CNTN4: variants seen among roughly 807,000 people sequenced by gnomAD.
The protein encoded by CNTN4 is contactin-4.
A neutral mutation model predicts 122.5 loss-of-function variants in CNTN4; 77 were observed. The ratio of observed to expected loss-of-function variants is 0.63; its 90% CI spans 0.52 to 0.76. The LOEUF is 0.76. Among genes scored for constraint, CNTN4 ranks in the 30% least tolerant of loss-of-function variants. CNTN4 has a pLI of 0.00. For missense variants in CNTN4, 1,256 were observed against 1,259.1 expected, an observed-to-expected ratio of 1.00 and a Z score of 0.04; for synonymous variants, 512 against 447.0, an observed-to-expected ratio of 1.15 and a Z score of -1.83.
At chr3:2,834,432 G>C (rs2093171023) in intron 7 of CNTN4, among the ~76,000 whole-genome samples, 1 of 152,060 alleles carries the variant, frequency 6.6e-6, no homozygotes, top group Non-Finnish European at 1.5e-5. Context: ...TGGGCGTGGT[G>C]GTGCATGTTT....
chr3:2,252,535 A>G (rs148807201), intron 2 of CNTN4, among the ~76,000 whole-genome samples: 3 of 152,040 alleles, frequency 2.0e-5, no homozygotes, highest in Non-Finnish European at 2.9e-5. Context: ...ATTAGAAGAG[A>G]TTTATTGGAA....
At chr3:2,211,552 A>T (rs909707391) in intron 2 of CNTN4, among the ~76,000 whole-genome samples, 1 of 152,180 alleles carries the variant, frequency 6.6e-6, no homozygotes, top group Non-Finnish European at 1.5e-5. Context: ...AACCCCTTTT[A>T]AAAAATTTTC....
At chr3:2,729,806 A>C (rs1472889500) in intron 4 of CNTN4, among the ~76,000 whole-genome samples, 2 of 150,944 alleles carry the variant, frequency 1.3e-5, no homozygotes, top group Non-Finnish European at 3.0e-5. Flanking sequence ...ACCAGCTACT[A>C]AGAAGGCTGA....
chr3:2,792,365 A>T (rs2092038585), intron 6 of CNTN4, among the ~76,000 whole-genome samples: 2 of 152,254 alleles, frequency 1.3e-5, no homozygotes, highest in South Asian at 2.1e-4. Context: ...TATTTCACAG[A>T]TGAATCATTT....
intron 4 of CNTN4, among the ~76,000 whole-genome samples, chr3:2,633,695 A>AG (rs1372201467): frequency 2.0e-5 from 3 of 152,238 alleles, no homozygotes; most frequent in African/African-American, 7.2e-5. Context: ...CCGCCTATAA[A>AG]GGTCTTTAAG....
chr3:2,987,177 T>C (rs1361131291), intron 13 of CNTN4, among the ~76,000 whole-genome samples: 1 of 152,158 alleles, frequency 6.6e-6, no homozygotes, highest in Non-Finnish European at 1.5e-5. Flanking sequence ...TACTCTGGAA[T>C]ATGCAGAAGG....
At chr3:3,038,198 A>G (rs1022035877) in intron 18 of CNTN4, among the ~76,000 whole-genome samples, 7 of 152,182 alleles carry the variant, frequency 4.6e-5, no homozygotes, top group Non-Finnish European at 8.8e-5. Context: ...CGTGATGACA[A>G]TATAGCTAGT....
At chr3:2,657,270 A>T (rs1006991000) in intron 4 of CNTN4, among the ~76,000 whole-genome samples, 3 of 152,238 alleles carry the variant, frequency 2.0e-5, no homozygotes, top group African/African-American at 7.2e-5. Context: ...CATTGAATAC[A>T]CAAGCCAAGA....
chr3:2,545,780 T>C (rs981185898), intron 3 of CNTN4, among the ~76,000 whole-genome samples: 2 of 152,066 alleles, frequency 1.3e-5, no homozygotes, highest in Non-Finnish European at 2.9e-5. Context: ...GAGGTAGGCC[T>C]CTCTTGAAGA....
At chr3:2,888,650 A>T (rs2094004672) in intron 10 of CNTN4, among the ~76,000 whole-genome samples, 1 of 151,898 alleles carries the variant, frequency 6.6e-6, no homozygotes, top group Non-Finnish European at 1.5e-5. Flanking sequence ...ATGTATATTC[A>T]TATTTATATA....
chr3:2,792,713 G>A lies in CNTN4; in HGVS notation c.359-26773G>A, dbSNP rs78395781. Among the ~76,000 whole-genome samples, 7,066 of 152,244 alleles carry A rather than the reference G, an allele frequency of 0.046. 227 individuals are homozygous for A. Among genetic ancestry groups the A allele is most frequent in the Non-Finnish European group, 0.07 (4,764 of 68,016 alleles). On this transcript the variant is annotated intron_variant, in intron 6 of 24. Coordinates refer to ENST00000418658, the MANE Select transcript of CNTN4 (RefSeq NM_175607.3). ...TTAGCACTCACTTCTAATATTGAAG[G>A]GTGTTTTGTTATAACTTCAGTATCT...
At position 2,633,505 on chromosome 3, in the gene CNTN4, C is replaced by T. The variant is rs9849237; in HGVS notation, c.55+61947C>T. Among the ~76,000 whole-genome samples, 37,704 of 152,120 alleles carry T rather than the reference C, an allele frequency of 0.25. 5,573 individuals are homozygous for T. The highest frequency in any genetic ancestry group is 0.41 in the African/African-American group (17,039 of 41,474). On this transcript the variant is annotated intron_variant, in intron 4 of 24. Transcript: ENST00000418658. Reference sequence around the variant, plus strand: ...GGTCCATAAACACATAGGCTTCTCACGTTTATACAGAAAGTCAAGCTTGAT... The same window carrying T: ...GGTCCATAAACACATAGGCTTCTCATGTTTATACAGAAAGTCAAGCTTGAT...
At chr3:2,420,070 T>A (rs1214481667) in intron 3 of CNTN4, among the ~76,000 whole-genome samples, 1 of 152,154 alleles carries the variant, frequency 6.6e-6, no homozygotes, top group Non-Finnish European at 1.5e-5. Flanking sequence ...CCTCATACAG[T>A]GCAATAGTAC....
intron 4 of CNTN4, among the ~76,000 whole-genome samples, chr3:2,680,308 A>G (rs926136630): frequency 6.6e-6 from 1 of 152,210 alleles, no homozygotes; most frequent in Non-Finnish European, 1.5e-5. Context: ...TGGACAAATA[A>G]GAACTGGGGA....
At chr3:2,120,403 ATATTTTTT>A (rs1361102018) in intron 2 of CNTN4, among the ~76,000 whole-genome samples, 4 of 35,826 alleles carry the variant, frequency 1.1e-4, no homozygotes, top group Non-Finnish European at 1.7e-4. Flanking sequence ...ATATATATAT[ATATTTTTT>A]TTTTTTTTTT....
At chr3:2,512,366 CA>C (rs572475992) in intron 3 of CNTN4, among the ~76,000 whole-genome samples, 1 of 151,530 alleles carries the variant, frequency 6.6e-6, no homozygotes, top group South Asian at 2.1e-4. Flanking sequence ...ATTAAAAAAA[CA>C]AAAAAAATCA....
intron 11 of CNTN4, 144 bp downstream of exon 11, chr3:2,900,965 T>A: frequency 1.9e-6 from 2 of 1,035,538 alleles, no homozygotes; most frequent in Non-Finnish European, 2.9e-6. Context: ...TGAGAGTGAA[T>A]GCAATTGATA....
intron 2 of CNTN4, among the ~76,000 whole-genome samples, chr3:2,255,900 A>G (rs2040570285): frequency 1.3e-5 from 2 of 152,186 alleles, no homozygotes; most frequent in Admixed American, 6.5e-5. Flanking sequence ...AAAAGCAAAC[A>G]AATTCAAAAG....
rs369822937 is a variant in CNTN4 at position 2,370,424 on chromosome 3, C to T, written c.-89+31191C>T. On this transcript the variant is annotated intron_variant, in intron 3 of 24. Coordinates refer to ENST00000418658, the MANE Select transcript of CNTN4 (RefSeq NM_175607.3). ...ACAAAAAAACTGGGTTAGAGTGTAC[C>T]AGAGTACCATAGTCAAGTATAATGA... Among the ~76,000 whole-genome samples the T allele has an allele frequency of 1.6e-4, 25 of 152,096 alleles. No homozygotes were observed. In the South Asian group the frequency reaches 4.8e-3, roughly 29 times the overall value.
Sources: gnomAD v4.1 joint callset for allele counts (sites outside exome capture counted in the v4.1 genomes callset) on GRCh38, gnomAD v4.1.1 for gene constraint, MANE v1.5 for transcripts, NCBI Gene and HGNC (gene_info 2026-07-23, HGNC 2026-07-21) for gene names.